The following PBX1 variants were observed in gnomAD, a reference collection of about 807,000 sequenced individuals.
The protein encoded by PBX1 is pre-B-cell leukemia transcription factor 1.
Under a neutral mutation model 53.4 loss-of-function variants are expected in PBX1, and 6 were observed. That is an observed-to-expected ratio of 0.11 (90% CI 0.06 to 0.22). PBX1 has a LOEUF of 0.22. Ranked by LOEUF, PBX1 falls within the 10% of genes least tolerant of loss-of-function variation. The probability of loss-of-function intolerance (pLI) is 1.00; values close to 1 mark genes in which losing one functional copy is unlikely to be tolerated. For missense variants in PBX1, 251 were observed against 551.4 expected (o/e 0.46, Z 5.46); for synonymous variants, 204 against 212.3 (o/e 0.96, Z 0.34).
At chr1:164,875,686 G>A (rs1444682256) in intron 2 of PBX1, among the ~76,000 whole-genome samples, 1 of 151,990 alleles carries the variant, frequency 6.6e-6, no homozygotes, top group Non-Finnish European at 1.5e-5. Flanking sequence ...GCTTGAGGTG[G>A]ACCTTAAGAG....
At chr1:164,703,911 T>C (rs1016024165) in intron 2 of PBX1, among the ~76,000 whole-genome samples, 2 of 152,174 alleles carry the variant, frequency 1.3e-5, no homozygotes, top group Non-Finnish European at 1.5e-5. Context: ...TCTCTTTTTA[T>C]TGGCATTTCC....
intron 2 of PBX1, among the ~76,000 whole-genome samples, chr1:164,876,331 T>C (rs1672510458): frequency 6.6e-6 from 1 of 151,136 alleles, no homozygotes; most frequent in African/African-American, 2.4e-5. Context: ...AACAGCACAG[T>C]CTCCTCTGCT....
At chr1:164,883,054 G>C (rs1172221260) in intron 2 of PBX1, among the ~76,000 whole-genome samples, 1 of 152,144 alleles carries the variant, frequency 6.6e-6, no homozygotes, top group Non-Finnish European at 1.5e-5. Context: ...GAAATAATTG[G>C]TTTAAAAATC....
intron 2 of PBX1, among the ~76,000 whole-genome samples, chr1:164,784,707 C>T (rs1168219419): frequency 3.3e-5 from 5 of 152,184 alleles, no homozygotes; most frequent in Non-Finnish European, 5.9e-5. Flanking sequence ...CGCAGGACCA[C>T]GTTTATTTGG....
Position 164,849,327 on chromosome 1 carries a change from T to C in PBX1, c.*2651T>C. ...CCCCAACCAGCATTTCACTTAGTCT[T>C]CTCTATACCCAGCACCTCCCCCGGC... On this transcript the variant is annotated 3_prime_UTR_variant, in exon 9 of 9. Coordinates refer to ENST00000420696, the MANE Select transcript of PBX1 (RefSeq NM_002585.4). The C allele has an allele frequency of 6.5e-7, 1 of 1,535,602 alleles. No individual in the cohort carries two copies. The highest frequency in any genetic ancestry group is 8.7e-7 in the Non-Finnish European group (1 of 1,146,760).
At chr1:164,603,929 A>ATTTTTTATTTTT (rs1656370281) in intron 2 of PBX1, among the ~76,000 whole-genome samples, 1 of 75,742 alleles carries the variant, frequency 1.3e-5, no homozygotes, top group Non-Finnish European at 2.3e-5. Context: ...ATGTCATTTC[A>ATTTTTTATTTTT]TTTTTTTTTT....
At chr1:164,777,353 G>A (rs1291784603) in intron 2 of PBX1, among the ~76,000 whole-genome samples, 5 of 152,264 alleles carry the variant, frequency 3.3e-5, no homozygotes, top group Non-Finnish European at 5.9e-5. Context: ...AACCCGGGAG[G>A]CGGAGGCTGC....
intron 2 of PBX1, among the ~76,000 whole-genome samples, chr1:164,789,283 T>C (rs1334561544): frequency 6.6e-6 from 1 of 152,218 alleles, no homozygotes; most frequent in Non-Finnish European, 1.5e-5. Flanking sequence ...GTGCTTCCCA[T>C]TGACTATTTT....
intron 2 of PBX1, among the ~76,000 whole-genome samples, chr1:164,603,549 G>T (rs947838839): frequency 5.3e-5 from 8 of 152,132 alleles, no homozygotes; most frequent in South Asian, 2.1e-4. Flanking sequence ...ACTTCCAAAA[G>T]AAATCCTTGT....
rs183279064 is a variant in PBX1 at position 164,694,709 on chromosome 1, G to T, written c.266-97785G>T. Among the ~76,000 whole-genome samples the T allele has an allele frequency of 1.4e-3, 209 of 152,212 alleles. 1 individual carries two copies. The highest frequency in any genetic ancestry group is 4.1e-3 in the African/African-American group (171 of 41,532). On this transcript the variant is annotated intron_variant, in intron 2 of 8. Transcript: ENST00000420696. ...GTATCAGACTTTAACCTTTTTCTAT[G>T]TCACCTCCCACTACCTTCATCTAAT...
chr1:164,658,635 C>A (rs1416648180), intron 2 of PBX1, among the ~76,000 whole-genome samples: 3 of 152,132 alleles, frequency 2.0e-5, no homozygotes, highest in Non-Finnish European at 4.4e-5. Context: ...GCATTCCAGC[C>A]TGCTACATAT....
intron 2 of PBX1, among the ~76,000 whole-genome samples, chr1:164,782,004 GCTGT>G (rs1667956286): frequency 6.6e-6 from 1 of 152,160 alleles, no homozygotes; most frequent in Non-Finnish European, 1.5e-5. Context: ...GATTGGTTAA[GCTGT>G]CTAAAGCAAA....
At chr1:164,589,517 C>T (rs1655209634) in intron 2 of PBX1, among the ~76,000 whole-genome samples, 1 of 152,092 alleles carries the variant, frequency 6.6e-6, no homozygotes, top group Non-Finnish European at 1.5e-5. Flanking sequence ...TTTCAGGACA[C>T]CAGAGAACCA....
At chr1:164,744,368 A>C (rs1665781356) in intron 2 of PBX1, among the ~76,000 whole-genome samples, 1 of 152,236 alleles carries the variant, frequency 6.6e-6, no homozygotes, top group African/African-American at 2.4e-5. Flanking sequence ...TTACTACCAA[A>C]GAATTTCCAA....
At position 164,737,041 on chromosome 1, in the gene PBX1, CAAG is replaced by C. The variant is rs201126921; in HGVS notation, c.266-55450_266-55448del. Among the ~76,000 whole-genome samples, 928 of 152,264 alleles carry C rather than the reference CAAG, an allele frequency of 6.1e-3. 14 individuals are homozygous for C. The highest frequency in any genetic ancestry group is 0.057 in the South Asian group (273 of 4,818). On this transcript the variant is annotated intron_variant, in intron 2 of 8. Coordinates refer to ENST00000420696, the MANE Select transcript of PBX1 (RefSeq NM_002585.4). ...TGCCGTTGACAGAGACCCAAGGAGA[CAAG>C]AAAGGTGTGTGTCTAAGTGGATTCC...
chr1:164,844,855 A>G (rs1046759590), intron 8 of PBX1, among the ~76,000 whole-genome samples: 71 of 152,218 alleles, frequency 4.7e-4, no homozygotes, highest in African/African-American at 1.6e-3. Context: ...CTGTTATGAA[A>G]GAAAGAATTA....
intron 2 of PBX1, among the ~76,000 whole-genome samples, chr1:164,733,747 C>T (rs1030950989): frequency 1.3e-4 from 19 of 151,926 alleles, no homozygotes; most frequent in African/African-American, 4.1e-4. Context: ...TTAATATATC[C>T]AATTAAAATT....
At chr1:164,825,700 G>A (rs1670423405) in intron 8 of PBX1, among the ~76,000 whole-genome samples, 1 of 152,126 alleles carries the variant, frequency 6.6e-6, no homozygotes, top group Admixed American at 6.5e-5. Flanking sequence ...TTTATATGGT[G>A]ATGATATTGC....
rs558634179 is a variant in PBX1 at position 164,588,439 on chromosome 1, AAAAAGAG to A, written c.265+25139_265+25145del. 6.8e-3 allele frequency among the ~76,000 whole-genome samples: 1,025 copies of A among 151,464 alleles called. 2 individuals are homozygous for A. Among genetic ancestry groups the A allele is most frequent in the Non-Finnish European group, 0.011 (776 of 67,864 alleles). On this transcript the variant is annotated intron_variant, in intron 2 of 8. Transcript: ENST00000420696. Reference sequence around the variant, plus strand: ...AGTGCACACACACACAGAGATGAGGAAAAAGAGAAAAGAGAAATACACTCCGGACTAA... The same window carrying A: ...AGTGCACACACACACAGAGATGAGGAAAAAGAGAAATACACTCCGGACTAA...
Sources: gnomAD v4.1 joint callset for allele counts (sites outside exome capture counted in the v4.1 genomes callset) on GRCh38, gnomAD v4.1.1 for gene constraint, MANE v1.5 for transcripts, NCBI Gene and HGNC (gene_info 2026-07-23, HGNC 2026-07-21) for gene names.